Variants in NT5C1A observed in about 807,000 individuals in gnomAD.
NT5C1A encodes 5'-nucleotidase, cytosolic IA.
In NT5C1A, 18 loss-of-function variants were observed where a neutral mutation model predicts 31.0. The observed-to-expected ratio is 0.58, with a 90% CI of 0.40 to 0.86. The LOEUF is 0.86. Among genes scored for constraint, NT5C1A ranks in the 40% least tolerant of loss-of-function variants. The pLI is 0.00. For missense variants in NT5C1A, 470 were observed against 505.4 expected (o/e 0.93, Z 0.67); for synonymous variants, 185 against 203.6 (o/e 0.91, Z 0.78).
In NT5C1A at chr1:39,657,727, T is replaced by TG. The variant is rs1338682771; in HGVS notation, c.*1393dup. On this transcript the variant is annotated 3_prime_UTR_variant, in exon 6 of 6. Transcript: ENST00000235628. ...GTGGAGGATCCGCTGATGCATTTCA[T>TG]GGGGAGGTTATCTCATCCTGGAAGC... Among the ~76,000 whole-genome samples the TG allele has an allele frequency of 2.6e-5, 4 of 152,204 alleles. No homozygotes were observed. The highest frequency in any genetic ancestry group is 1.3e-4 in the Admixed American group (2 of 15,288).
At chr1:39,669,841 C>T (rs1040586008) in intron 1 of NT5C1A, among the ~76,000 whole-genome samples, 11 of 152,196 alleles carry the variant, frequency 7.2e-5, no homozygotes, top group African/African-American at 2.4e-4. Flanking sequence ...GGTTTGCTGC[C>T]GGACTCACCC....
Position 39,658,479 on chromosome 1 carries a change from T to G in NT5C1A, c.*642A>C. ...CTGCTAACTAAGCTGTGTACCCCAC[T>G]ATGGGACTGGGTCAGGCCAGAGGAA... On this transcript the variant is annotated 3_prime_UTR_variant, in exon 6 of 6. Coordinates refer to ENST00000235628, the MANE Select transcript of NT5C1A (RefSeq NM_032526.3). Among the ~76,000 whole-genome samples the G allele has an allele frequency of 6.6e-6, 1 of 152,218 alleles. No homozygotes were observed. The highest frequency in any genetic ancestry group is 1.9e-4 in the East Asian group (1 of 5,188).
chr1:39,668,883 T>C (rs984273374), intron 1 of NT5C1A, among the ~76,000 whole-genome samples: 1 of 152,202 alleles, frequency 6.6e-6, no homozygotes, highest in Non-Finnish European at 1.5e-5. Context: ...CCAGAGGCCA[T>C]GGCTGTGTAA....
chr1:39,667,193 CCT>C (rs1329589907), intron 1 of NT5C1A, among the ~76,000 whole-genome samples: 2 of 133,214 alleles, frequency 1.5e-5, no homozygotes, highest in African/African-American at 2.9e-5. Context: ...ATACTTTCCC[CCT>C]CTTTTTTTTT....
intron 4 of NT5C1A, among the ~76,000 whole-genome samples, chr1:39,663,041 A>G (rs1646499860): frequency 6.6e-6 from 1 of 152,210 alleles, no homozygotes; most frequent in African/African-American, 2.4e-5. Context: ...GGCTGTAGAG[A>G]GGGTTTCCAT....
chr1:39,662,039 CAG>C (rs1347387244), intron 4 of NT5C1A, among the ~76,000 whole-genome samples: 1 of 152,204 alleles, frequency 6.6e-6, no homozygotes, highest in African/African-American at 2.4e-5. Context: ...GGATGCCTCT[CAG>C]GGGTTCAGGC....
chr1:39,661,628 G>T (rs1457711895), intron 4 of NT5C1A, among the ~76,000 whole-genome samples: 1 of 152,236 alleles, frequency 6.6e-6, no homozygotes, highest in Non-Finnish European at 1.5e-5. Flanking sequence ...GTAAGATCAT[G>T]CTGCTGTGGA....
chr1:39,667,484 A>T, intron 1 of NT5C1A, among the ~76,000 whole-genome samples: 1 of 152,046 alleles, frequency 6.6e-6, no homozygotes, highest in East Asian at 1.9e-4. Flanking sequence ...CCTGATTCCC[A>T]CTTTACAAAT....
intron 5 of NT5C1A, 90 bp downstream of exon 5, chr1:39,660,989 T>G: frequency 2.8e-6 from 2 of 702,922 alleles, no homozygotes; most frequent in South Asian, 2.1e-5. Flanking sequence ...AGCCTGGGGT[T>G]TGTTTGCTTC....
At chr1:39,660,408 A>G (rs1248382586) in intron 5 of NT5C1A, among the ~76,000 whole-genome samples, 1 of 152,196 alleles carries the variant, frequency 6.6e-6, no homozygotes, top group Non-Finnish European at 1.5e-5. Context: ...ACCAAGCTCT[A>G]GGGTATATTC....
At chr1:39,664,489 T>TCCTCC (rs1553485412) in intron 3 of NT5C1A, among the ~76,000 whole-genome samples, 99 of 1,088 alleles carry the variant, frequency 0.091, 4 homozygotes, top group Middle Eastern at 0.17. Flanking sequence ...AGTGGATTTC[T>TCCTCC]CCTCCTCTCC....
intron 1 of NT5C1A, among the ~76,000 whole-genome samples, chr1:39,666,471 G>A (rs1646522963): frequency 6.6e-6 from 1 of 152,354 alleles, no homozygotes; most frequent in African/African-American, 2.4e-5. Context: ...CTGATGGAGG[G>A]AGGGCCATGC....
Position 39,664,161 on chromosome 1 carries a change from T to C in NT5C1A, c.434-727A>G, listed in dbSNP as rs1012075396. 1.1e-4 allele frequency among the ~76,000 whole-genome samples: 17 copies of C among 151,988 alleles called. No individual in the cohort carries two copies. In the South Asian group the frequency reaches 1.5e-3, roughly 13 times the overall value. On this transcript the variant is annotated intron_variant, in intron 3 of 5. Coordinates refer to ENST00000235628, the MANE Select transcript of NT5C1A (RefSeq NM_032526.3). ...GTGTATTCTTTTTCTTTCTTTCTTT[T>C]TTTTCGTTTTGAGACAGAGTCTTGC... is the stretch of plus-strand genomic sequence containing the variant.
chr1:39,652,805 A>C lies in NT5C1A; in HGVS notation c.*6316T>G, dbSNP rs1250442449. Among the ~76,000 whole-genome samples, 1 of 152,008 alleles carries C rather than the reference A, an allele frequency of 6.6e-6. No individual in the cohort carries two copies. Among genetic ancestry groups the C allele is most frequent in the Non-Finnish European group, 1.5e-5 (1 of 68,014 alleles). Reference sequence around the variant, plus strand: ...CTCTAGGGGATGGCCCATCAGGGAGATACTTCCCAATTAAGGTCAATGGTA... The same window carrying C: ...CTCTAGGGGATGGCCCATCAGGGAGCTACTTCCCAATTAAGGTCAATGGTA... On this transcript the variant is annotated 3_prime_UTR_variant, in exon 6 of 6. Transcript: ENST00000235628.
chr1:39,662,685 T>G (rs1227057576), intron 4 of NT5C1A, among the ~76,000 whole-genome samples: 1 of 152,224 alleles, frequency 6.6e-6, no homozygotes, highest in East Asian at 1.9e-4. Context: ...GGCCAGTCCT[T>G]GCTCCTCTAT....
In NT5C1A at chr1:39,659,125, T is replaced by C; in HGVS notation, c.1103A>G (p.Gln368Arg). The C allele has an allele frequency of 1.3e-6, 2 of 1,591,538 alleles. No individual in the cohort carries two copies. Among genetic ancestry groups the C allele is most frequent in the African/African-American group, 1.3e-5 (1 of 74,426 alleles). Residue 368 changes from glutamine (Q) to arginine (R), a missense_variant, in exon 6 of 6, where the codon CAG becomes CGG. Transcript: ENST00000235628. ...TAPAKQAPSAQ is the reference protein window; with the variant it reads ...TAPAKQAPSAR ...TCAGTAAAGCCGGTGGTTCAGCTAC[T>C]GTGCAGATGGGGCCTGCTTTGCAGG...
rs997774606 is a variant in NT5C1A at position 39,653,525 on chromosome 1, G to A, written c.*5596C>T. Among the ~76,000 whole-genome samples the A allele has an allele frequency of 2.6e-5, 4 of 152,200 alleles. No homozygotes were observed. Among genetic ancestry groups the A allele is most frequent in the Non-Finnish European group, 5.9e-5 (4 of 68,038 alleles). The stretch of plus-strand genomic sequence containing the variant: ...ACAATCACAGTAATTGCCGGCAAGA[G>A]CAATCGGCTCGTCACTCGGGCATAT... On this transcript the variant is annotated 3_prime_UTR_variant, in exon 6 of 6. Transcript: ENST00000235628.
rs1384163455 is a variant in NT5C1A, at chr1:39,652,278, G to A, written c.*6843C>T. Among the ~76,000 whole-genome samples, 2 of 152,120 alleles carry A rather than the reference G, an allele frequency of 1.3e-5. No homozygotes were observed. Among genetic ancestry groups the A allele is most frequent in the South Asian group, 2.1e-4 (1 of 4,818 alleles). The stretch of plus-strand genomic sequence containing the variant: ...TCGCCTACAGAATATGTTTTATTTG[G>A]CCCAGATGGTGTTTTCTAAATTCAA... On this transcript the variant is annotated 3_prime_UTR_variant, in exon 6 of 6. Transcript: ENST00000235628.
Position 39,654,814 on chromosome 1 carries a change from G to A in NT5C1A, c.*4307C>T, listed in dbSNP as rs1212010023. ...GGGTCCGCACATTTTTCTGTAAAGG[G>A]CCAGATAATAAATATTTTTGGCTTG... On this transcript the variant is annotated 3_prime_UTR_variant, in exon 6 of 6. Coordinates refer to ENST00000235628, the MANE Select transcript of NT5C1A (RefSeq NM_032526.3). Among the ~76,000 whole-genome samples the A allele has an allele frequency of 6.6e-6, 1 of 152,220 alleles. No individual in the cohort carries two copies. Among genetic ancestry groups the A allele is most frequent in the Non-Finnish European group, 1.5e-5 (1 of 68,040 alleles).
Sources: gnomAD v4.1 joint callset for allele counts (sites outside exome capture counted in the v4.1 genomes callset) on GRCh38, gnomAD v4.1.1 for gene constraint, MANE v1.5 for transcripts, NCBI Gene and HGNC (gene_info 2026-07-23, HGNC 2026-07-21) for gene names.